CCSER1: variants seen among roughly 807,000 people sequenced by gnomAD.
The protein encoded by CCSER1 is serine-rich coiled-coil domain-containing protein 1.
In CCSER1, 41 loss-of-function variants were observed where a neutral mutation model predicts 82.0. The observed-to-expected ratio is 0.50, with a 90% confidence interval of 0.39 to 0.65. The LOEUF (loss-of-function observed/expected upper bound fraction) is 0.65, where lower values mean the gene tolerates loss of function less well. Among genes scored for constraint, CCSER1 ranks in the 30% least tolerant of loss-of-function variants. The pLI is 0.00. For synonymous variants in CCSER1, 414 were observed against 383.9 expected, an observed-to-expected ratio of 1.08 and a Z score of -0.92; for missense variants, 1,119 against 1,064.2, an observed-to-expected ratio of 1.05 and a Z score of -0.72.
At chr4:90,129,017 C>G (rs556848413) in intron 1 of CCSER1, among the ~76,000 whole-genome samples, 47 of 152,342 alleles carry the variant, frequency 3.1e-4, no homozygotes, top group African/African-American at 1.1e-3. Flanking sequence ...CTCCACCCCT[C>G]TTACCTTTTC....
chr4:91,160,825 G>T (rs945339618), intron 10 of CCSER1, among the ~76,000 whole-genome samples: 5 of 152,054 alleles, frequency 3.3e-5, no homozygotes, highest in African/African-American at 1.2e-4. Context: ...TGGGTAGATT[G>T]CCAAAATATT....
chr4:90,178,284 G>A (rs568815887), intron 1 of CCSER1, among the ~76,000 whole-genome samples: 2 of 151,718 alleles, frequency 1.3e-5, no homozygotes, highest in Admixed American at 1.3e-4. Context: ...GCTTTAAAAT[G>A]AAGCTTATTG....
intron 1 of CCSER1, among the ~76,000 whole-genome samples, chr4:90,257,318 A>C (rs1160907920): frequency 6.6e-6 from 1 of 152,062 alleles, no homozygotes; most frequent in Admixed American, 6.6e-5. Flanking sequence ...TAGGACAGGG[A>C]CCTTGTATGG....
chr4:91,391,383 C>T (rs1751641109), intron 10 of CCSER1, among the ~76,000 whole-genome samples: 1 of 152,200 alleles, frequency 6.6e-6, no homozygotes. Flanking sequence ...TCAGTGCAGC[C>T]TCTACCTCCT....
intron 10 of CCSER1, among the ~76,000 whole-genome samples, chr4:91,263,268 A>T (rs1741329368): frequency 6.6e-6 from 1 of 152,026 alleles, no homozygotes; most frequent in Non-Finnish European, 1.5e-5. Flanking sequence ...TAGAAATGTA[A>T]CAAGTATGAG....
chr4:90,959,567 C>T (rs1009191101), intron 9 of CCSER1, among the ~76,000 whole-genome samples: 1 of 151,994 alleles, frequency 6.6e-6, no homozygotes, highest in Non-Finnish European at 1.5e-5. Flanking sequence ...AAGTCTTATA[C>T]CATTTAATCC....
At chr4:91,157,955 T>G (rs1730983104) in intron 10 of CCSER1, among the ~76,000 whole-genome samples, 1 of 152,034 alleles carries the variant, frequency 6.6e-6, no homozygotes, top group South Asian at 2.1e-4. Flanking sequence ...TACATGGATT[T>G]GTACTAAATT....
intron 10 of CCSER1, among the ~76,000 whole-genome samples, chr4:91,121,177 T>C (rs1727058583): frequency 6.6e-6 from 1 of 151,736 alleles, no homozygotes; most frequent in Non-Finnish European, 1.5e-5. Context: ...CTGCTCCCCA[T>C]TGGAGATTTA....
At chr4:90,142,165 G>C (rs1339448621) in intron 1 of CCSER1, among the ~76,000 whole-genome samples, 1 of 152,112 alleles carries the variant, frequency 6.6e-6, no homozygotes, top group Non-Finnish European at 1.5e-5. Context: ...CCCTTTGTGA[G>C]CTCACCACAC....
intron 5 of CCSER1, among the ~76,000 whole-genome samples, chr4:90,568,607 A>G (rs889013563): frequency 6.6e-6 from 1 of 152,124 alleles, no homozygotes; most frequent in Non-Finnish European, 1.5e-5. Context: ...ACTTTAATCC[A>G]TTCAGCCACT....
At chr4:90,954,567 C>T (rs567579768) in intron 9 of CCSER1, among the ~76,000 whole-genome samples, 44 of 152,154 alleles carry the variant, frequency 2.9e-4, no homozygotes, top group African/African-American at 1.0e-3. Context: ...AATATTATTC[C>T]ATGGTAGTTC....
intron 9 of CCSER1, among the ~76,000 whole-genome samples, chr4:91,010,857 A>T (rs1256571178): frequency 7.4e-6 from 1 of 134,482 alleles, no homozygotes; most frequent in African/African-American, 2.5e-5. Context: ...ACTCTCTTGT[A>T]TCTCACTGAG....
chr4:90,906,352 G>A (rs1037995094), intron 8 of CCSER1, among the ~76,000 whole-genome samples: 8 of 152,208 alleles, frequency 5.3e-5, no homozygotes, highest in African/African-American at 1.9e-4. Context: ...TTTGATTCAT[G>A]ACATCAATTG....
At chr4:90,751,593 AT>A (rs1748676057) in intron 7 of CCSER1, among the ~76,000 whole-genome samples, 1 of 152,160 alleles carries the variant, frequency 6.6e-6, no homozygotes, top group African/African-American at 2.4e-5. Flanking sequence ...AGGATGTTAA[AT>A]AGTTGTTAAA....
rs114091984 is a variant in CCSER1, at chr4:90,753,941, G to A, written c.2010+29950G>A. Among the ~76,000 whole-genome samples, 606 of 152,246 alleles carry A rather than the reference G, an allele frequency of 4.0e-3. 3 individuals carry two copies. The highest frequency in any genetic ancestry group is 0.014 in the African/African-American group (571 of 41,564). ...GTCATACTAATGTTTTCTTCCGTCT[G>A]TATCATCCTGTCTTCACATTACCAT... is the stretch of plus-strand genomic sequence containing the variant. On this transcript the variant is annotated intron_variant, in intron 7 of 10. Transcript: ENST00000509176.
At chr4:90,351,998 A>G (rs1743533692) in intron 3 of CCSER1, among the ~76,000 whole-genome samples, 1 of 152,166 alleles carries the variant, frequency 6.6e-6, no homozygotes, top group Non-Finnish European at 1.5e-5. Flanking sequence ...TGAGCAGTGT[A>G]TCATATTTCT....
At chr4:91,131,812 G>T (rs1717376553) in intron 10 of CCSER1, among the ~76,000 whole-genome samples, 2 of 151,978 alleles carry the variant, frequency 1.3e-5, no homozygotes, top group African/African-American at 2.4e-5. Flanking sequence ...AAAGTAAAAA[G>T]CTGGGGAGAA....
At chr4:90,672,163 C>T (rs764165352) in intron 6 of CCSER1, among the ~76,000 whole-genome samples, 4 of 151,992 alleles carry the variant, frequency 2.6e-5, no homozygotes, top group Non-Finnish European at 4.4e-5. Flanking sequence ...AACTTAAAAT[C>T]CTCAGCTGTG....
At position 90,308,723 on chromosome 4, in the gene CCSER1, G is replaced by A. The variant is rs902007023; in HGVS notation, c.439G>A (p.Val147Ile). The part of the protein sequence containing the change: ...REKEHSTNKN[V>I]FINCLSSGKS... Reference sequence around the variant, plus strand: ...AAAAGAGCACTCAACTAACAAGAATGTCTTTATAAATTGTCTAAGTTCTGG... The same window carrying A: ...AAAAGAGCACTCAACTAACAAGAATATCTTTATAAATTGTCTAAGTTCTGG... Residue 147 changes from valine to isoleucine, a missense_variant, in exon 2 of 11, where the codon GTC becomes ATC. Transcript: ENST00000509176. 1.9e-6 allele frequency: 3 copies of A among 1,613,550 alleles called. No individual in the cohort carries two copies. Among genetic ancestry groups the A allele is most frequent in the South Asian group, 2.2e-5 (2 of 91,048 alleles).
Sources: allele counts gnomAD v4.1 joint callset (sites outside exome capture counted in the v4.1 genomes callset), GRCh38; gene constraint gnomAD v4.1.1; transcripts MANE v1.5; gene names NCBI Gene and HGNC (gene_info 2026-07-23, HGNC 2026-07-21).